Variants in ZNF226 observed in about 807,000 individuals in gnomAD.
ZNF226 encodes the protein Kruppel-associated box protein.
ZNF226 carries 6 observed loss-of-function variants against 11.4 expected under a neutral mutation model. The ratio of observed to expected loss-of-function variants is 0.53; its 90% CI spans 0.29 to 1.04. The LOEUF (loss-of-function observed/expected upper bound fraction) is 1.04. Ranked by LOEUF, ZNF226 falls within the 50% of genes least tolerant of loss-of-function variation. ZNF226 has a pLI of 0.08. For synonymous variants in ZNF226, 350 were observed against 322.8 expected (o/e 1.08, Z -0.90); for missense variants, 1,058 against 956.5 (o/e 1.11, Z -1.40).
intron 5 of ZNF226, chr19:44,174,127 T>G (rs2122447836): frequency 7.0e-6 from 1 of 143,020 alleles, no homozygotes; most frequent in Middle Eastern, 3.6e-3. Flanking sequence ...CTAACCTAAT[T>G]CTAATTTCTC....
At chr19:44,196,500 A>G in the ZNF226 span, among the ~76,000 whole-genome samples, 2 of 152,242 alleles carry the variant, frequency 1.3e-5, no homozygotes, top group South Asian at 2.1e-4. Flanking sequence ...GGGACTACCA[A>G]CCTCCTGCTG....
At chr19:44,167,394 C>G (rs189999057) in intron 2 of ZNF226, among the ~76,000 whole-genome samples, 2 of 145,854 alleles carry the variant, frequency 1.4e-5, no homozygotes, top group Admixed American at 7.0e-5. Context: ...TCTCGGCTCA[C>G]TGCAACCTCC....
chr19:44,165,715 G>A (rs1041143430), intron 1 of ZNF226, 42 bp from the exon 2 acceptor site: 4 of 152,234 alleles, frequency 2.6e-5, no homozygotes, highest in African/African-American at 9.7e-5. Flanking sequence ...CCGGGATGAA[G>A]ACACAATCCT....
At chr19:44,183,961 CTA>C in the ZNF226 span, among the ~76,000 whole-genome samples, 1 of 152,160 alleles carries the variant, frequency 6.6e-6, no homozygotes, top group Admixed American at 6.5e-5. Context: ...GATTGGTAAA[CTA>C]TGTTTCATGG....
Position 44,177,228 on chromosome 19 carries a change from G to C in ZNF226, c.1966G>C (p.Ala656Pro). 1 of 1,612,910 alleles carries C rather than the reference G, an allele frequency of 6.2e-7. No homozygotes were observed. The highest frequency in any genetic ancestry group is 8.5e-7 in the Non-Finnish European group (1 of 1,179,664). Residue 656 changes from alanine (A) to proline (P), a missense_variant, in exon 6 of 6, where the codon GCA (alanine) becomes CCA (proline). By Grantham distance (27) the Ala-to-Pro change is conservative. Coordinates refer to ENST00000337433, the MANE Select transcript of ZNF226 (RefSeq NM_001032373.2). ...EECGKSFGRS[A>P]HLQAHQKVHT... ...ATGTGGGAAGAGTTTCGGTCGGAGT[G>C]CACATCTTCAAGCCCATCAAAAAGT... is the stretch of plus-strand genomic sequence containing the variant.
At chr19:44,187,744 T>G in the ZNF226 span, among the ~76,000 whole-genome samples, 1 of 152,102 alleles carries the variant, frequency 6.6e-6, no homozygotes. The surrounding 1 kb of genome is among the most constrained non-coding windows in gnomAD (Gnocchi z 4.0). Context: ...TTTCTTGTTT[T>G]TAAAGGTAAG....
intron 5 of ZNF226, chr19:44,174,217 A>C (rs558565469): frequency 9.2e-5 from 14 of 152,246 alleles, no homozygotes; most frequent in African/African-American, 3.4e-4. Context: ...TGGGGAACCT[A>C]TAGTGTCATA....
intron 2 of ZNF226, 134 bp from the exon 3 acceptor site, chr19:44,169,901 C>T (rs1048584596): frequency 1.2e-5 from 6 of 513,010 alleles, no homozygotes; most frequent in African/African-American, 7.7e-5. Flanking sequence ...GGATCCATGT[C>T]ATAATCTGCT....
At chr19:44,169,000 T>C (rs1221176485) in intron 2 of ZNF226, among the ~76,000 whole-genome samples, 4 of 122,090 alleles carry the variant, frequency 3.3e-5, no homozygotes, top group Non-Finnish European at 6.8e-5. Context: ...CCCTTTTCCT[T>C]TTTTTTTTTT....
chr19:44,181,891 G>A (rs536325255), downstream of ZNF226, among the ~76,000 whole-genome samples: 3 of 152,244 alleles, frequency 2.0e-5, no homozygotes, highest in African/African-American at 7.2e-5. Flanking sequence ...CACAGACAAT[G>A]GGAGGAGTCA....
At chr19:44,197,470 C>T in the ZNF226 span, among the ~76,000 whole-genome samples, 1 of 152,034 alleles carries the variant, frequency 6.6e-6, no homozygotes, top group Non-Finnish European at 1.5e-5. Context: ...ATGCTGGTTA[C>T]CAGGGGCTGG....
the ZNF226 span, among the ~76,000 whole-genome samples, chr19:44,189,585 A>G: frequency 6.6e-6 from 1 of 152,374 alleles, no homozygotes; most frequent in South Asian, 2.1e-4. Flanking sequence ...GTTGGACTAA[A>G]GGATTCTTTG....
At chr19:44,175,385 A>G in intron 5 of ZNF226, 113 bp from the exon 6 acceptor site, 1 of 1,438,456 alleles carries the variant, frequency 7.0e-7, no homozygotes, top group Non-Finnish European at 9.1e-7. Context: ...GTCACAAAAG[A>G]TGAGCAGAAC....
downstream of ZNF226, among the ~76,000 whole-genome samples, chr19:44,181,196 T>C (rs1486523846): frequency 6.6e-6 from 1 of 152,128 alleles, no homozygotes; most frequent in East Asian, 1.9e-4. Context: ...CTGGGCAATA[T>C]AGTGAGACCC....
chr19:44,172,099 C>T lies in ZNF226; in HGVS notation c.27C>T (p.Thr9=). The T allele has an allele frequency of 6.2e-7, 1 of 1,612,070 alleles. No homozygotes were observed. Among genetic ancestry groups the T allele is most frequent in the South Asian group, 1.1e-5 (1 of 91,072 alleles). MNMFKEAV[T]FKDVAVAFTE... ...TGTTTTTGTCGTAGGAAGCAGTGAC[C>T]TTCAAGGACGTGGCTGTGGCCTTCA... The change falls in exon 4 of 6, where the codon ACC becomes ACT. Residue 9 remains threonine (T), a synonymous_variant. Transcript: ENST00000337433.
At chr19:44,186,069 T>C in the ZNF226 span, among the ~76,000 whole-genome samples, 27 of 152,238 alleles carry the variant, frequency 1.8e-4, no homozygotes, top group East Asian at 5.2e-3. Flanking sequence ...TTTGGTTATA[T>C]ATGCAGGGGT....
the ZNF226 span, among the ~76,000 whole-genome samples, chr19:44,193,699 C>T: frequency 2.6e-5 from 4 of 151,970 alleles, no homozygotes; most frequent in Non-Finnish European, 4.4e-5. Context: ...AGATTCAGAG[C>T]GAGCAGAGAA....
At chr19:44,180,107 AAAAAC>A (rs1266692226), downstream of ZNF226, among the ~76,000 whole-genome samples, 3 of 145,176 alleles carry the variant, frequency 2.1e-5, no homozygotes, top group African/African-American at 8.2e-5. Flanking sequence ...AAAAAAAAAA[AAAAAC>A]CCAAGAAGGT....
the ZNF226 span, among the ~76,000 whole-genome samples, chr19:44,190,704 C>T: frequency 3.3e-5 from 5 of 152,194 alleles, no homozygotes; most frequent in African/African-American, 1.2e-4. Context: ...ACTTTGTTTG[C>T]AGTACCAATA....
Sources: allele counts gnomAD v4.1 joint callset (sites outside exome capture counted in the v4.1 genomes callset), GRCh38; gene constraint gnomAD v4.1.1; non-coding constraint Gnocchi (gnomAD v3.1); transcripts MANE v1.5; gene names NCBI Gene and HGNC (gene_info 2026-07-23, HGNC 2026-07-21).